GPAT4: variants seen among roughly 807,000 people sequenced by gnomAD.
GPAT4 encodes glycerol-3-phosphate acyltransferase 4, also known as 1-AGP acyltransferase 6.
A neutral mutation model predicts 58.0 loss-of-function variants in GPAT4; 17 were observed. The observed-to-expected ratio is 0.29, with a 90% CI of 0.20 to 0.44. The LOEUF is 0.44. Ranked by LOEUF, GPAT4 falls within the 20% of genes least tolerant of loss-of-function variation. GPAT4 has a pLI of 1.00. For synonymous variants in GPAT4, 204 were observed against 210.1 expected (o/e 0.97, Z 0.25); for missense variants, 377 against 574.5 (o/e 0.66, Z 3.51).
At chr8:41,581,986 T>G (rs1372176104) in intron 1 of GPAT4, among the ~76,000 whole-genome samples, 4 of 135,024 alleles carry the variant, frequency 3.0e-5, no homozygotes, top group Non-Finnish European at 4.6e-5. Context: ...TCAAGGGAAG[T>G]TCAATGATTT....
chr8:41,608,762 G>C (rs751807987), intron 2 of GPAT4, among the ~76,000 whole-genome samples: 1 of 152,120 alleles, frequency 6.6e-6, no homozygotes, highest in African/African-American at 2.4e-5. Context: ...TCAGAGACTT[G>C]GAATGGGTTG....
At chr8:41,617,783 C>G (rs1488047403) in intron 10 of GPAT4, among the ~76,000 whole-genome samples, 1 of 152,236 alleles carries the variant, frequency 6.6e-6, no homozygotes, top group Non-Finnish European at 1.5e-5. Context: ...TTTTTCCACT[C>G]TGGTCCTGGG....
rs971551778 is a variant in GPAT4 at position 41,620,991 on chromosome 8, G to T, written c.1361G>T (p.Ser454Ile). 6.4e-7 allele frequency: 1 copy of T among 1,550,994 alleles called. No homozygotes were observed. The highest frequency in any genetic ancestry group is 1.4e-5 in the African/African-American group (1 of 73,046). Residue 454 changes from serine to isoleucine, a missense_variant, in exon 13 of 13, where the codon AGC becomes ATC. By Grantham distance (142) the Ser-to-Ile change is moderately radical. Coordinates refer to ENST00000396987, the MANE Select transcript of GPAT4 (RefSeq NM_178819.4). ...ATCGTGGGGAACCACAAGGACAGGA[G>T]CCGCTCCTGAGCCTGCCTCCAGCTG... Reference protein sequence around the residue: ...KMIVGNHKDRSRS With the variant: ...KMIVGNHKDRIRS
At chr8:41,612,781 C>T (rs1307319898) in intron 7 of GPAT4, 64 bp from the exon 8 acceptor site, 1 of 1,423,578 alleles carries the variant, frequency 7.0e-7, no homozygotes, top group African/African-American at 1.4e-5. Flanking sequence ...TGTGGTTCTT[C>T]CTAGAGTGGG....
chr8:41,590,877 G>T lies in GPAT4; in HGVS notation c.-848-7415G>T, dbSNP rs560129519. Among the ~76,000 whole-genome samples, 16 of 151,814 alleles carry T rather than the reference G, an allele frequency of 1.1e-4. No homozygotes were observed. The South Asian group carries it at 3.1e-3, about 30-fold the overall frequency. On this transcript the variant is annotated intron_variant, in intron 1 of 12. Coordinates refer to ENST00000396987, the MANE Select transcript of GPAT4 (RefSeq NM_178819.4). Reference sequence around the variant, plus strand: ...TGATGTGTAAAATGCAAATCATACAGATTGATGGACTGGGGATAAACAAAC... The same window carrying T: ...TGATGTGTAAAATGCAAATCATACATATTGATGGACTGGGGATAAACAAAC...
chr8:41,593,252 G>A (rs1325621325), intron 1 of GPAT4, among the ~76,000 whole-genome samples: 1 of 152,176 alleles, frequency 6.6e-6, no homozygotes, highest in East Asian at 1.9e-4. Flanking sequence ...GACATGGGAG[G>A]CTCAGAGGGG....
At chr8:41,619,317 A>G in intron 12 of GPAT4, 1 of 332,160 alleles carries the variant, frequency 3.0e-6, no homozygotes, top group South Asian at 4.4e-5. Context: ...CCCAGGTCCC[A>G]GTGTATCTGG....
At chr8:41,604,202 A>C (rs1803191730) in intron 2 of GPAT4, among the ~76,000 whole-genome samples, 1 of 152,216 alleles carries the variant, frequency 6.6e-6, no homozygotes. Context: ...AAGATCATTA[A>C]AACTGGATAC....
In GPAT4 at chr8:41,621,111, G is replaced by A. The variant is rs1419684302; in HGVS notation, c.*110G>A. On this transcript the variant is annotated 3_prime_UTR_variant, in exon 13 of 13. Transcript: ENST00000396987. ...TCCTTTCCAGACTCCAGGGCTCCCC[G>A]GGCTGCTCTGGATCCCAGGACTCCG... 8 of 1,435,074 alleles carry A rather than the reference G, an allele frequency of 5.6e-6. No individual in the cohort carries two copies. The highest frequency in any genetic ancestry group is 7.5e-6 in the Non-Finnish European group (8 of 1,067,868). 88.9% of individuals were successfully genotyped at this position (1,435,074 alleles called of 1,614,324 possible). A position where few individuals can be genotyped will look rare whatever the true frequency, so the allele number is the denominator to read the frequency against.
At chr8:41,619,764 AG>A (rs1481494165) in intron 12 of GPAT4, among the ~76,000 whole-genome samples, 1 of 152,220 alleles carries the variant, frequency 6.6e-6, no homozygotes, top group African/African-American at 2.4e-5. Flanking sequence ...CTATGAGAAA[AG>A]AAAGGGTAGA....
At position 41,612,757 on chromosome 8, in the gene GPAT4, C is replaced by T. The variant is rs1213636586; in HGVS notation, c.796-88C>T. ...GCGTTAGAAGTGAGAAGTTGGACTG[C>T]TTATTTTGTGAGATGTGGTTCTTCC... is the stretch of plus-strand genomic sequence containing the variant. On this transcript the variant is annotated intron_variant, in intron 7 of 12. Coordinates refer to ENST00000396987, the MANE Select transcript of GPAT4 (RefSeq NM_178819.4). 5.8e-6 allele frequency: 7 copies of T among 1,206,990 alleles called. No individual in the cohort carries two copies. In the East Asian group the frequency reaches 1.8e-4, roughly 31 times the overall value. 74.8% of individuals were successfully genotyped at this position (1,206,990 alleles called of 1,614,324 possible).
intron 2 of GPAT4, among the ~76,000 whole-genome samples, chr8:41,603,381 C>T (rs540202497): frequency 2.7e-4 from 41 of 152,126 alleles, no homozygotes; most frequent in African/African-American, 9.2e-4. Context: ...ACAAAATTAG[C>T]CGGGCGTAGT....
At chr8:41,620,779 C>T in intron 12 of GPAT4, 114 bp from the exon 13 acceptor site, 2 of 1,487,042 alleles carry the variant, frequency 1.3e-6, no homozygotes, top group Non-Finnish European at 1.8e-6. Context: ...CCACGGGGTA[C>T]CCTGTTTCTG....
intron 1 of GPAT4, among the ~76,000 whole-genome samples, chr8:41,581,510 G>A (rs938987052): frequency 9.9e-5 from 15 of 152,086 alleles, no homozygotes; most frequent in Admixed American, 9.2e-4. Flanking sequence ...GGAGTGCAGT[G>A]GCATGATCAA....
At chr8:41,611,319 A>G (rs1231881374) in intron 5 of GPAT4, among the ~76,000 whole-genome samples, 2 of 152,224 alleles carry the variant, frequency 1.3e-5, no homozygotes, top group Non-Finnish European at 2.9e-5. Context: ...TTTGTCCTTC[A>G]GCCCTCACAT....
At chr8:41,611,188 G>A (rs1803432846) in intron 5 of GPAT4, among the ~76,000 whole-genome samples, 1 of 152,232 alleles carries the variant, frequency 6.6e-6, no homozygotes, top group Admixed American at 6.5e-5. Flanking sequence ...TCACACCACT[G>A]CACTCCAGCC....
chr8:41,597,912 A>G (rs1802974882), intron 1 of GPAT4, among the ~76,000 whole-genome samples: 1 of 152,248 alleles, frequency 6.6e-6, no homozygotes. Flanking sequence ...GAAGAATACA[A>G]AGGTGGTTAC....
chr8:41,613,954 T>C (rs1255522603), intron 8 of GPAT4, among the ~76,000 whole-genome samples: 1 of 152,160 alleles, frequency 6.6e-6, no homozygotes, highest in Non-Finnish European at 1.5e-5. Flanking sequence ...GAGATTATCT[T>C]CCATAGAGAC....
chr8:41,580,964 AAAAAC>A (rs1275136506), intron 1 of GPAT4, among the ~76,000 whole-genome samples: 5 of 152,320 alleles, frequency 3.3e-5, no homozygotes, highest in Admixed American at 2.0e-4. Flanking sequence ...AGCTTTTATT[AAAAAC>A]AAAACAAAAC....
Sources: allele counts gnomAD v4.1 joint callset (sites outside exome capture counted in the v4.1 genomes callset), GRCh38; gene constraint gnomAD v4.1.1; transcripts MANE v1.5; gene names NCBI Gene and HGNC (gene_info 2026-07-23, HGNC 2026-07-21).